AGBL3: variants seen among roughly 807,000 people sequenced by gnomAD.
AGBL3 encodes the protein AGBL carboxypeptidase 3, also known as cytosolic carboxypeptidase 3.
Under a neutral mutation model 94.5 loss-of-function variants are expected in AGBL3, and 68 were observed. That is an observed-to-expected ratio of 0.72 (90% CI 0.59 to 0.88). AGBL3 has a LOEUF of 0.88. AGBL3 is among the 40% of genes least tolerant of loss of function. The pLI, the probability that AGBL3 is intolerant of heterozygous loss-of-function variation, is 0.00. For synonymous variants in AGBL3, 354 were observed against 370.7 expected, an observed-to-expected ratio of 0.95 and a Z score of 0.52; for missense variants, 934 against 1,103.8, an observed-to-expected ratio of 0.85 and a Z score of 2.18.
chr7:135,009,920 G>A (rs1812896927), intron 4 of AGBL3: 3 of 363,976 alleles, frequency 8.2e-6, no homozygotes, highest in Non-Finnish European at 1.6e-5. Context: ...CGCAGACTTT[G>A]GAGCATTTGG....
At chr7:135,108,103 G>A (rs974119200) in intron 15 of AGBL3, among the ~76,000 whole-genome samples, 1 of 152,108 alleles carries the variant, frequency 6.6e-6, no homozygotes, top group East Asian at 1.9e-4. Flanking sequence ...GCCTATGGGT[G>A]TCACTGCATG....
intron 4 of AGBL3, among the ~76,000 whole-genome samples, chr7:135,003,232 A>C (rs1811949411): frequency 6.6e-6 from 1 of 152,116 alleles, no homozygotes. Flanking sequence ...GTTCCAACAA[A>C]ATTTATTAAA....
intron 12 of AGBL3, among the ~76,000 whole-genome samples, chr7:135,063,771 G>C (rs1819041997): frequency 6.6e-6 from 1 of 152,134 alleles, no homozygotes; most frequent in Non-Finnish European, 1.5e-5. Flanking sequence ...TGTTAGGACA[G>C]CATCTTACTT....
chr7:135,070,145 G>A (rs780149803), intron 12 of AGBL3, among the ~76,000 whole-genome samples: 2 of 152,064 alleles, frequency 1.3e-5, no homozygotes, highest in East Asian at 1.9e-4. Context: ...TAAATTCCTC[G>A]ACACATACAC....
intron 15 of AGBL3, among the ~76,000 whole-genome samples, chr7:135,098,723 T>C (rs991861361): frequency 2.0e-5 from 3 of 152,144 alleles, no homozygotes; most frequent in Admixed American, 6.5e-5. Flanking sequence ...TCTCAAAGGC[T>C]GCAGGCAGTT....
intron 12 of AGBL3, 68 bp from the exon 13 acceptor site, chr7:135,076,329 T>G: frequency 8.3e-7 from 1 of 1,206,436 alleles, no homozygotes; most frequent in Non-Finnish European, 1.2e-6. Context: ...CGAAACAATT[T>G]CATGTCTGCA....
chr7:135,049,230 G>C (rs1369529963), intron 11 of AGBL3, among the ~76,000 whole-genome samples: 1 of 151,874 alleles, frequency 6.6e-6, no homozygotes, highest in East Asian at 1.9e-4. Context: ...CGAATTAATT[G>C]ATTTGCATAT....
At chr7:135,098,664 C>G (rs150095245) in intron 15 of AGBL3, among the ~76,000 whole-genome samples, 2 of 152,104 alleles carry the variant, frequency 1.3e-5, no homozygotes, top group African/African-American at 4.8e-5. Flanking sequence ...AAGGGAATTT[C>G]GCATTTAAGT....
At chr7:134,996,428 A>G (rs1234867591) in intron 4 of AGBL3, among the ~76,000 whole-genome samples, 1 of 152,186 alleles carries the variant, frequency 6.6e-6, no homozygotes, top group African/African-American at 2.4e-5. Context: ...CAGACAGTAA[A>G]CAGCACATCA....
intron 15 of AGBL3, among the ~76,000 whole-genome samples, chr7:135,099,404 A>G: frequency 6.6e-6 from 1 of 152,220 alleles, no homozygotes; most frequent in East Asian, 1.9e-4. Flanking sequence ...GGTTAATTGA[A>G]GATAAGCTCA....
At chr7:135,073,643 G>A (rs1239454733) in intron 12 of AGBL3, among the ~76,000 whole-genome samples, 6 of 152,006 alleles carry the variant, frequency 3.9e-5, no homozygotes, top group Admixed American at 1.3e-4. Flanking sequence ...CGAGCTCCCC[G>A]AGTGAGCAAT....
chr7:135,023,486 T>C (rs1329283261), intron 5 of AGBL3, among the ~76,000 whole-genome samples: 2 of 151,930 alleles, frequency 1.3e-5, no homozygotes, highest in East Asian at 3.9e-4. Context: ...CTACAAGAGA[T>C]TTCATGACCC....
chr7:135,037,503 G>A lies in AGBL3; in HGVS notation c.1423G>A (p.Gly475Ser). The change falls in exon 8 of 17, where the codon GGT becomes AGT. Residue 475 changes from glycine to serine, a missense_variant. Gly to Ser is a moderately conservative substitution (Grantham distance 56). Around this residue, in one of 3 missense-constraint regions of AGBL3, gnomAD observed 441 missense variants for 518.2 expected, o/e 0.85. Coordinates refer to ENST00000436302, the MANE Select transcript of AGBL3 (RefSeq NM_178563.4). ...KENIFMYGCD[G>S]SDRSKTLYLQ... The stretch of plus-strand genomic sequence containing the variant: ...GAACATCTTCATGTATGGCTGTGAT[G>A]GTAGTGACAGATCTAAGACATTATA... 6.5e-7 allele frequency: 1 copy of A among 1,549,488 alleles called. No individual in the cohort carries two copies. The highest frequency in any genetic ancestry group is 8.7e-7 in the Non-Finnish European group (1 of 1,145,786).
intron 4 of AGBL3, among the ~76,000 whole-genome samples, chr7:135,001,857 A>C (rs187023093): frequency 5.3e-5 from 8 of 152,274 alleles, no homozygotes; most frequent in African/African-American, 1.9e-4. Flanking sequence ...TTGTATGTTT[A>C]GCTTGTTTCT....
chr7:135,023,779 C>G (rs1814776600), intron 5 of AGBL3, among the ~76,000 whole-genome samples: 1 of 152,194 alleles, frequency 6.6e-6, no homozygotes, highest in East Asian at 1.9e-4. Flanking sequence ...CTTCCCAAGG[C>G]CCCTGCCTAG....
chr7:134,988,884 C>T (rs1258950811), intron 2 of AGBL3, among the ~76,000 whole-genome samples: 1 of 152,092 alleles, frequency 6.6e-6, no homozygotes, highest in Non-Finnish European at 1.5e-5. Context: ...GTGATCCACC[C>T]GCCTTGGCCT....
rs60759991 is a variant in AGBL3, at chr7:135,040,885, C to CACACCACA, written c.1501-3140_1501-3139insACACCACA. On this transcript the variant is annotated intron_variant, in intron 8 of 16. Coordinates refer to ENST00000436302, the MANE Select transcript of AGBL3 (RefSeq NM_178563.4). ...TGATCCATGCACACACACACACACACCACACACACACACACACACAAAACT... is the reference window on the plus strand; with the variant it reads ...TGATCCATGCACACACACACACACACACACCACACACACACACACACACACACAAAACT... 5.0e-5 allele frequency among the ~76,000 whole-genome samples: 6 copies of CACACCACA among 121,026 alleles called. No individual in the cohort carries two copies. The East Asian group carries it at 1.0e-3, about 20-fold the overall frequency. The allele number at this position is 121,026 out of a possible 152,430, so 79.4% of individuals were successfully genotyped here.
chr7:135,054,447 C>T (rs534081694), intron 11 of AGBL3, among the ~76,000 whole-genome samples: 1 of 152,272 alleles, frequency 6.6e-6, no homozygotes, highest in African/African-American at 2.4e-5. Flanking sequence ...AGCATTGATA[C>T]ATTTTCTGAT....
chr7:134,989,486 G>A (rs2718152), intron 3 of AGBL3, among the ~76,000 whole-genome samples, 176 bp downstream of exon 3: 10,411 of 152,154 alleles, frequency 0.068, 1,150 homozygotes, highest in African/African-American at 0.23. Flanking sequence ...TTTTAGGTAA[G>A]CCTATTTTAT....
Sources: gnomAD v4.1 joint callset for allele counts (sites outside exome capture counted in the v4.1 genomes callset) on GRCh38, gnomAD v4.1.1 for gene constraint, gnomAD v4.1.1 regional missense constraint, MANE v1.5 for transcripts, NCBI Gene and HGNC (gene_info 2026-07-23, HGNC 2026-07-21) for gene names.